Variants in UBR3 observed in about 807,000 individuals in gnomAD.
The protein encoded by UBR3 is ubiquitin protein ligase E3 component n-recognin 3, also known as E3 ubiquitin-protein ligase UBR3.
In UBR3, 85 loss-of-function variants were observed where a neutral mutation model predicts 243.2. The observed-to-expected ratio is 0.35, with a 90% CI of 0.29 to 0.42. UBR3 has a LOEUF of 0.42. Among genes scored for constraint, UBR3 ranks in the 10% least tolerant of loss-of-function variants. The probability of loss-of-function intolerance (pLI) is 1.00; values close to 1 mark genes in which losing one functional copy is unlikely to be tolerated. For synonymous variants in UBR3, 748 were observed against 799.8 expected (o/e 0.94, Z 1.09); for missense variants, 1,686 against 2,300.8 (o/e 0.73, Z 5.47).
At chr2:169,845,587 C>T (rs1180142466) in intron 1 of UBR3, among the ~76,000 whole-genome samples, 1 of 141,452 alleles carries the variant, frequency 7.1e-6, no homozygotes, top group Non-Finnish European at 1.5e-5. Flanking sequence ...CTTTCTTCTT[C>T]TTTTTCTTTT....
chr2:170,056,249 G>A (rs1045292084), intron 33 of UBR3, among the ~76,000 whole-genome samples: 1 of 151,772 alleles, frequency 6.6e-6, no homozygotes, highest in South Asian at 2.1e-4. Context: ...CTTGTGATCC[G>A]CCCACCTCAG....
At chr2:169,964,110 CT>C (rs2087702344) in intron 24 of UBR3, among the ~76,000 whole-genome samples, 2 of 152,120 alleles carry the variant, frequency 1.3e-5, no homozygotes, top group Admixed American at 6.6e-5. Flanking sequence ...TTGAATAAAA[CT>C]TTTAAATTTC....
At chr2:170,001,275 A>G in intron 26 of UBR3, 29 bp from the exon 27 acceptor site, 1 of 1,468,764 alleles carries the variant, frequency 6.8e-7, no homozygotes, top group Non-Finnish European at 9.5e-7. Flanking sequence ...TTTAAAATTA[A>G]TTGTATTTGT....
intron 1 of UBR3, among the ~76,000 whole-genome samples, chr2:169,828,609 G>A (rs2081826115): frequency 6.6e-6 from 1 of 152,034 alleles, no homozygotes; most frequent in African/African-American, 2.4e-5. Context: ...GCTCTTGAGG[G>A]TTGAGGGAGG....
intron 5 of UBR3, among the ~76,000 whole-genome samples, chr2:169,888,427 CCG>C (rs2084198642): frequency 6.6e-6 from 1 of 152,168 alleles, no homozygotes; most frequent in African/African-American, 2.4e-5. Flanking sequence ...GCGTGAGCCA[CCG>C]CGCCTCGTCC....
intron 11 of UBR3, among the ~76,000 whole-genome samples, chr2:169,919,296 G>A (rs560590242): frequency 6.6e-6 from 1 of 152,294 alleles, no homozygotes; most frequent in Admixed American, 6.5e-5. Flanking sequence ...TAATGTTTAA[G>A]TAAGACTACC....
At chr2:169,970,285 T>C (rs1309332988) in intron 24 of UBR3, among the ~76,000 whole-genome samples, 1 of 151,006 alleles carries the variant, frequency 6.6e-6, no homozygotes, top group African/African-American at 2.4e-5. Context: ...TCTTGATTTC[T>C]TTTTCTGCTA....
Position 170,082,469 on chromosome 2 carries a change from GTAAA to G in UBR3, c.*630_*633del, listed in dbSNP as rs1160646364. On this transcript the variant is annotated 3_prime_UTR_variant, in exon 39 of 39. Transcript: ENST00000272793. ...GGAATTTCATAAATCTTCTCCCCAG[GTAAA>G]TAATTGAAATAGCTGTAAAATAAGT... The G allele has an allele frequency of 2.0e-5, 3 of 149,936 alleles. No individual in the cohort carries two copies. Among genetic ancestry groups the G allele is most frequent in the African/African-American group, 7.4e-5 (3 of 40,444 alleles). The allele number at this position is 149,936 out of a possible 1,614,324, so 9.3% of individuals were successfully genotyped here.
At chr2:169,952,563 C>T (rs1025011823) in intron 23 of UBR3, among the ~76,000 whole-genome samples, 3 of 152,154 alleles carry the variant, frequency 2.0e-5, no homozygotes, top group South Asian at 2.1e-4. Context: ...GGCGTGGTGG[C>T]GTGTGCCTGT....
At chr2:169,829,277 A>C (rs2081848386) in intron 1 of UBR3, among the ~76,000 whole-genome samples, 1 of 152,226 alleles carries the variant, frequency 6.6e-6, no homozygotes, top group Non-Finnish European at 1.5e-5. Context: ...CTGGAGTAGA[A>C]AGTAATAAAT....
intron 2 of UBR3, among the ~76,000 whole-genome samples, chr2:169,875,273 T>A (rs940253067): frequency 3.3e-5 from 5 of 152,180 alleles, no homozygotes; most frequent in Non-Finnish European, 5.9e-5. Context: ...TTTGAAATGA[T>A]CTTATGATGA....
rs535911548 is a variant in UBR3 at position 170,048,564 on chromosome 2, A to G, written c.4661-6896A>G. The stretch of plus-strand genomic sequence containing the variant: ...TCCTCAAAGGACTTGCTCTTGGCTT[A>G]TGCTAGAGGCTGTGATTCCCAGCTT... On this transcript the variant is annotated intron_variant, in intron 32 of 38. Coordinates refer to ENST00000272793, the MANE Select transcript of UBR3 (RefSeq NM_172070.4). Among the ~76,000 whole-genome samples the G allele has an allele frequency of 2.9e-4, 44 of 152,276 alleles. No homozygotes were observed. In the South Asian group the frequency reaches 8.8e-3, roughly 30 times the overall value.
chr2:169,927,074 A>G, intron 16 of UBR3, 103 bp downstream of exon 16: 1 of 1,332,376 alleles, frequency 7.5e-7, no homozygotes, highest in South Asian at 1.4e-5. Context: ...AAGGATGTAG[A>G]TAAATGTAAA....
intron 31 of UBR3, among the ~76,000 whole-genome samples, chr2:170,030,671 GT>G (rs2090644295): frequency 6.6e-6 from 1 of 152,028 alleles, no homozygotes; most frequent in Non-Finnish European, 1.5e-5. Context: ...GGGATGTATA[GT>G]CAAAAACTGT....
intron 26 of UBR3, among the ~76,000 whole-genome samples, chr2:169,997,307 G>A (rs1341827926): frequency 2.0e-5 from 3 of 152,242 alleles, no homozygotes; most frequent in Admixed American, 6.5e-5. Flanking sequence ...CCTGGATCCC[G>A]CAACCACTGC....
At chr2:169,851,111 C>T (rs1433040619) in intron 1 of UBR3, among the ~76,000 whole-genome samples, 4 of 152,056 alleles carry the variant, frequency 2.6e-5, no homozygotes, top group Admixed American at 6.6e-5. Context: ...ACGTCTACCA[C>T]CTTGCTAATT....
intron 6 of UBR3, among the ~76,000 whole-genome samples, chr2:169,892,117 T>G (rs1049223167): frequency 6.6e-6 from 1 of 152,242 alleles, no homozygotes; most frequent in African/African-American, 2.4e-5. Flanking sequence ...CAGGTTCCTT[T>G]TCTAAGTCTC....
At chr2:169,966,744 G>A (rs887197356) in intron 24 of UBR3, among the ~76,000 whole-genome samples, 4 of 151,944 alleles carry the variant, frequency 2.6e-5, no homozygotes, top group African/African-American at 9.7e-5. Context: ...GGGTTGAGAG[G>A]GTCAAATGTA....
chr2:170,013,800 A>G (rs2090153495), intron 29 of UBR3: 3 of 395,476 alleles, frequency 7.6e-6, no homozygotes, highest in Admixed American at 5.5e-5. Context: ...AGGAAATCTT[A>G]GTTTTTATAA....
Sources: gnomAD v4.1 joint callset for allele counts (sites outside exome capture counted in the v4.1 genomes callset) on GRCh38, gnomAD v4.1.1 for gene constraint, MANE v1.5 for transcripts, NCBI Gene and HGNC (gene_info 2026-07-23, HGNC 2026-07-21) for gene names.